GIGYF2: variants seen among roughly 807,000 people sequenced by gnomAD.
GIGYF2 encodes the protein GRB10 interacting GYF protein 2, also known as GRB10-interacting GYF protein 2.
Under a neutral mutation model 208.1 loss-of-function variants are expected in GIGYF2, and 25 were observed. The ratio of observed to expected loss-of-function variants is 0.12; its 90% CI spans 0.09 to 0.17. The LOEUF (loss-of-function observed/expected upper bound fraction) is 0.17, where lower values mean the gene tolerates loss of function less well. GIGYF2 is among the 10% of genes least tolerant of loss of function. GIGYF2 has a pLI of 1.00. For synonymous variants in GIGYF2, 534 were observed against 543.8 expected, an observed-to-expected ratio of 0.98 and a Z score of 0.25; for missense variants, 1,302 against 1,579.4, an observed-to-expected ratio of 0.82 and a Z score of 2.98.
At chr2:232,831,883 A>T (rs895258932) in intron 21 of GIGYF2, among the ~76,000 whole-genome samples, 2 of 152,204 alleles carry the variant, frequency 1.3e-5, no homozygotes. Flanking sequence ...CCCAGTAGAC[A>T]TCTCTTTGAC....
chr2:232,749,227 T>C lies in GIGYF2; in HGVS notation c.267+145T>C, dbSNP rs1017717379. On this transcript the variant is annotated intron_variant, in intron 5 of 28. Transcript: ENST00000373563. ...CTATTTCTTGGTATGTTGATGCTTA[T>C]TAGTTGACTAGATTTTGCTGTAGTA... is the stretch of plus-strand genomic sequence containing the variant. 8.4e-6 allele frequency: 6 copies of C among 713,686 alleles called. No individual in the cohort carries two copies. In the African/African-American group the frequency reaches 1.0e-4, roughly 12 times the overall value. The allele number at this position is 713,686 out of a possible 1,614,324, so 44.2% of individuals were successfully genotyped here. A position where few individuals can be genotyped will look rare whatever the true frequency, so the allele number is the denominator to read the frequency against.
At chr2:232,751,184 G>A (rs1463502894) in intron 5 of GIGYF2, among the ~76,000 whole-genome samples, 1 of 152,002 alleles carries the variant, frequency 6.6e-6, no homozygotes, top group Admixed American at 6.6e-5. Context: ...TTTTCTAAAT[G>A]TTAAAATTGC....
intron 14 of GIGYF2, among the ~76,000 whole-genome samples, chr2:232,797,343 C>G (rs749498174): frequency 6.6e-6 from 1 of 151,940 alleles, no homozygotes; most frequent in African/African-American, 2.4e-5. Flanking sequence ...GTGTGCCCAC[C>G]CTGTGAGCTC....
chr2:232,797,981 CAAAAAAA>C (rs57991158), intron 14 of GIGYF2, among the ~76,000 whole-genome samples: 7 of 102,392 alleles, frequency 6.8e-5, no homozygotes, highest in Admixed American at 1.1e-4. Flanking sequence ...ACTGTGCCTC[CAAAAAAA>C]AAAAAAAAAA....
At chr2:232,758,494 A>G (rs1698627621) in intron 6 of GIGYF2, among the ~76,000 whole-genome samples, 1 of 152,170 alleles carries the variant, frequency 6.6e-6, no homozygotes, top group African/African-American at 2.4e-5. Context: ...TCTTTAATTG[A>G]GCCTTACGAT....
At position 232,771,278 on chromosome 2, in the gene GIGYF2, G is replaced by A. The variant is rs376151051; in HGVS notation, c.532+9842G>A. The A allele has an allele frequency of 2.1e-5, 34 of 1,608,728 alleles. No homozygotes were observed. The highest frequency in any genetic ancestry group is 2.9e-5 in the Non-Finnish European group (34 of 1,177,010). ...CCTCTTTGAGCGCCATCCATTTGAA[G>A]TGTGCTGTGGCCATCCTTGGTGACC... is the stretch of plus-strand genomic sequence containing the variant. On this transcript the variant is annotated intron_variant, in intron 8 of 28. Transcript: ENST00000373563.
intron 9 of GIGYF2, among the ~76,000 whole-genome samples, chr2:232,787,643 ATTCT>A (rs994587080): frequency 1.9e-4 from 29 of 152,168 alleles, no homozygotes; most frequent in Admixed American, 3.3e-4. Context: ...CTTTTTTAGC[ATTCT>A]TTAAGATTTA....
chr2:232,767,574 G>C (rs965786351), intron 8 of GIGYF2: 1 of 154,748 alleles, frequency 6.5e-6, no homozygotes, highest in Non-Finnish European at 1.4e-5. Flanking sequence ...ATGTGTTCGG[G>C]TGTCATGTTC....
At chr2:232,774,683 T>C (rs1030095316) in intron 8 of GIGYF2, among the ~76,000 whole-genome samples, 1 of 152,228 alleles carries the variant, frequency 6.6e-6, no homozygotes, top group Non-Finnish European at 1.5e-5. Flanking sequence ...TTCCTGCCTA[T>C]GTGAAAATGC....
intron 21 of GIGYF2, among the ~76,000 whole-genome samples, chr2:232,827,221 TA>T (rs1701278648): frequency 6.6e-6 from 1 of 152,128 alleles, no homozygotes; most frequent in Non-Finnish European, 1.5e-5. Flanking sequence ...TTTTAAGACA[TA>T]ATGTGGTTAA....
intron 2 of GIGYF2, among the ~76,000 whole-genome samples, chr2:232,712,830 A>G (rs1696488542): frequency 6.6e-6 from 1 of 152,214 alleles, no homozygotes; most frequent in South Asian, 2.1e-4. Flanking sequence ...ATTTAAAAAC[A>G]TAAGTGTTTG....
chr2:232,780,616 A>G (rs1370771069), intron 8 of GIGYF2, among the ~76,000 whole-genome samples: 15 of 152,232 alleles, frequency 9.9e-5, no homozygotes, highest in Admixed American at 9.8e-4. Context: ...CCCTGAGCTC[A>G]TTCATTGACT....
At chr2:232,748,823 A>G (rs1425433300) in intron 4 of GIGYF2, among the ~76,000 whole-genome samples, 164 bp from the exon 5 acceptor site, 2 of 152,222 alleles carry the variant, frequency 1.3e-5, no homozygotes, top group Non-Finnish European at 2.9e-5. Context: ...CTCTCTCAAA[A>G]TGTATAAGGA....
intron 3 of GIGYF2, chr2:232,736,361 T>G: frequency 8.4e-6 from 2 of 238,964 alleles, no homozygotes; most frequent in Non-Finnish European, 6.8e-6. Context: ...ACATCCATGG[T>G]ACACACTGTA....
At chr2:232,828,910 A>G (rs1701334820) in intron 21 of GIGYF2, among the ~76,000 whole-genome samples, 1 of 152,138 alleles carries the variant, frequency 6.6e-6, no homozygotes. Context: ...TTGGCCTCCT[A>G]CATTTGAAAA....
chr2:232,761,829 C>A (rs1428629400), intron 8 of GIGYF2, among the ~76,000 whole-genome samples: 1 of 148,920 alleles, frequency 6.7e-6, no homozygotes, highest in East Asian at 2.0e-4. Context: ...ATTCATTTGG[C>A]CTTTTTGCTG....
chr2:232,756,176 CT>C, intron 5 of GIGYF2, 46 bp from the exon 6 acceptor site: 1 of 1,088,324 alleles, frequency 9.2e-7, no homozygotes, highest in Non-Finnish European at 1.3e-6. Context: ...CCATTTTTTT[CT>C]TTCTTTTTTT....
At chr2:232,771,349 T>G in intron 8 of GIGYF2, 1 of 1,612,238 alleles carries the variant, frequency 6.2e-7, no homozygotes, top group Non-Finnish European at 8.5e-7. Flanking sequence ...AACTTTGCAA[T>G]TACTGCTGTC....
At position 232,860,252 on chromosome 2, in the gene GIGYF2, C is replaced by T. The variant is rs1210022485; in HGVS notation, c.*3392C>T. 6.6e-6 allele frequency: 1 copy of T among 152,102 alleles called. No homozygotes were observed. The highest frequency in any genetic ancestry group is 2.4e-5 in the African/African-American group (1 of 41,412). 9.4% of individuals were successfully genotyped at this position (152,102 alleles called of 1,614,324 possible). A position where few individuals can be genotyped will look rare whatever the true frequency, so the allele number is the denominator to read the frequency against. On this transcript the variant is annotated 3_prime_UTR_variant, in exon 29 of 29. Transcript: ENST00000373563. ...GCTCAAGTGATCCTGTTGCCTCAGC[C>T]TCCCAAGTAGCTGGGACTACAGCTA... is the stretch of plus-strand genomic sequence containing the variant.
Sources: allele counts gnomAD v4.1 joint callset (sites outside exome capture counted in the v4.1 genomes callset), GRCh38; gene constraint gnomAD v4.1.1; transcripts MANE v1.5; gene names NCBI Gene and HGNC (gene_info 2026-07-23, HGNC 2026-07-21).